EMCN: variants seen among roughly 807,000 people sequenced by gnomAD.
EMCN encodes the protein endomucin.
Under a neutral mutation model 38.4 loss-of-function variants are expected in EMCN, and 37 were observed. The observed-to-expected ratio is 0.96, with a 90% CI of 0.74 to 1.27. The LOEUF (loss-of-function observed/expected upper bound fraction) is 1.27. Among genes scored for constraint, EMCN ranks in the 50% most tolerant of loss-of-function variants. EMCN has a pLI of 0.00. For missense variants in EMCN, 318 were observed against 302.8 expected (o/e 1.05, Z -0.37); for synonymous variants, 95 against 100.8 (o/e 0.94, Z 0.35).
At chr4:100,451,458 G>A (rs1211734087) in intron 4 of EMCN, among the ~76,000 whole-genome samples, 1 of 151,790 alleles carries the variant, frequency 6.6e-6, no homozygotes, top group Non-Finnish European at 1.5e-5. Context: ...GTATAAATCA[G>A]GCATAGTGGG....
chr4:100,455,945 C>A (rs1221799578), intron 4 of EMCN, among the ~76,000 whole-genome samples: 1 of 152,048 alleles, frequency 6.6e-6, no homozygotes, highest in Non-Finnish European at 1.5e-5. Flanking sequence ...CAGGTGCCTG[C>A]CACTATGCCT....
chr4:100,409,000 A>T (rs936555296), intron 11 of EMCN, among the ~76,000 whole-genome samples: 1 of 152,116 alleles, frequency 6.6e-6, no homozygotes, highest in Non-Finnish European at 1.5e-5. Flanking sequence ...ATACTGACAC[A>T]TATGTTTGGA....
At chr4:100,501,292 A>G (rs1165715682) in intron 1 of EMCN, among the ~76,000 whole-genome samples, 3 of 152,096 alleles carry the variant, frequency 2.0e-5, no homozygotes, top group African/African-American at 7.2e-5. Context: ...AGCAGCATTT[A>G]TTGAAAAGAT....
At chr4:100,490,379 AT>A (rs1364603117) in intron 1 of EMCN, among the ~76,000 whole-genome samples, 1 of 152,144 alleles carries the variant, frequency 6.6e-6, no homozygotes, top group East Asian at 1.9e-4. Flanking sequence ...ATAGAAAAAA[AT>A]ATTTTTTATA....
Position 100,397,673 on chromosome 4 carries a change from CT to C in EMCN, c.*739del, listed in dbSNP as rs888809278. The C allele has an allele frequency of 2.0e-4, 30 of 152,102 alleles. No homozygotes were observed. Among genetic ancestry groups the C allele is most frequent in the African/African-American group, 7.0e-4 (29 of 41,412 alleles). The allele number at this position is 152,102 out of a possible 1,614,324, so 9.4% of individuals were successfully genotyped here. ...AAAGAACTGATAAATTACTCTCCCC[CT>C]AACAGTCTGATATGTGAATCGTATG... On this transcript the variant is annotated 3_prime_UTR_variant, in exon 12 of 12. Coordinates refer to ENST00000296420, the MANE Select transcript of EMCN (RefSeq NM_016242.4).
chr4:100,473,200 A>G (rs146828633), intron 3 of EMCN, among the ~76,000 whole-genome samples: 2 of 149,740 alleles, frequency 1.3e-5, no homozygotes, highest in Non-Finnish European at 1.5e-5. Context: ...TTTTTAGTAG[A>G]GACATACACA....
chr4:100,403,200 T>C (rs1263841519), intron 11 of EMCN, among the ~76,000 whole-genome samples: 1 of 152,102 alleles, frequency 6.6e-6, no homozygotes, highest in Admixed American at 6.6e-5. Context: ...TAATACCAAA[T>C]AGGTAGTGTC....
chr4:100,406,835 A>C (rs1379703774), intron 11 of EMCN, among the ~76,000 whole-genome samples: 1 of 152,078 alleles, frequency 6.6e-6, no homozygotes, highest in Non-Finnish European at 1.5e-5. Flanking sequence ...GGGGTGTTGA[A>C]ATCTACTATT....
At chr4:100,449,094 T>C (rs1727767114) in intron 4 of EMCN, among the ~76,000 whole-genome samples, 1 of 152,070 alleles carries the variant, frequency 6.6e-6, no homozygotes, top group Non-Finnish European at 1.5e-5. Context: ...AGAGAAGTGA[T>C]TCCAGTGCTT....
intron 1 of EMCN, among the ~76,000 whole-genome samples, chr4:100,488,898 AT>A (rs1372261096): frequency 1.3e-5 from 2 of 152,004 alleles, no homozygotes; most frequent in Non-Finnish European, 2.9e-5. Context: ...ATCAGAGAGA[AT>A]TTTTTTTGCC....
chr4:100,416,146 C>A (rs900834594), intron 9 of EMCN, among the ~76,000 whole-genome samples, 187 bp from the exon 10 acceptor site: 3 of 151,434 alleles, frequency 2.0e-5, no homozygotes, highest in Non-Finnish European at 2.9e-5. Flanking sequence ...ATGGCAAGAA[C>A]TTTGTCTTTT....
chr4:100,486,107 A>G (rs1728934039), intron 1 of EMCN, among the ~76,000 whole-genome samples: 1 of 152,178 alleles, frequency 6.6e-6, no homozygotes, highest in Non-Finnish European at 1.5e-5. Context: ...GTGCCATATA[A>G]AAATGGTGTT....
Position 100,435,143 on chromosome 4 carries a change from A to G in EMCN, c.416-11739T>C, listed in dbSNP as rs150747080. On this transcript the variant is annotated intron_variant, in intron 5 of 11. Transcript: ENST00000296420. ...AGAAAACTCCATTGTCTCAGTGCAAAAGCTTCTTAAGCTGATAAGCAACTT... is the reference window on the plus strand; with the variant it reads ...AGAAAACTCCATTGTCTCAGTGCAAGAGCTTCTTAAGCTGATAAGCAACTT... Among the ~76,000 whole-genome samples the G allele has an allele frequency of 4.2e-3, 643 of 152,322 alleles. 4 individuals carry two copies. Among genetic ancestry groups the G allele is most frequent in the African/African-American group, 0.015 (619 of 41,576 alleles).
At chr4:100,491,316 G>A (rs558214754) in intron 1 of EMCN, among the ~76,000 whole-genome samples, 27 of 152,176 alleles carry the variant, frequency 1.8e-4, no homozygotes, top group Admixed American at 6.5e-4. Flanking sequence ...TTGCTTTGCC[G>A]AGGAACTAGC....
At chr4:100,417,897 G>T (rs1252911709) in intron 8 of EMCN, among the ~76,000 whole-genome samples, 1 of 152,136 alleles carries the variant, frequency 6.6e-6, no homozygotes, top group Non-Finnish European at 1.5e-5. Flanking sequence ...TGCTCCTTTG[G>T]TCTGGTTTTA....
rs115293084 is a variant in EMCN at position 100,513,999 on chromosome 4, T to C, written c.64+3852A>G. ...AAATAAGTACCTTAGGAGAGTTAGA[T>C]ATACGGGCATCCAGAAGAAGGATAA... is the stretch of plus-strand genomic sequence containing the variant. On this transcript the variant is annotated intron_variant, in intron 1 of 11. Coordinates refer to ENST00000296420, the MANE Select transcript of EMCN (RefSeq NM_016242.4). Among the ~76,000 whole-genome samples, 444 of 152,236 alleles carry C rather than the reference T, an allele frequency of 2.9e-3. 3 individuals are homozygous for C. Among genetic ancestry groups the C allele is most frequent in the African/African-American group, 9.9e-3 (412 of 41,556 alleles).
chr4:100,448,795 T>TTTTCTTTCCTTCCCTC (rs58028381), intron 4 of EMCN, among the ~76,000 whole-genome samples: 1 of 114,324 alleles, frequency 8.7e-6, no homozygotes, highest in Non-Finnish European at 2.0e-5. Flanking sequence ...TGCCTTGAAG[T>TTTTCTTTCCTTCCCTC]CTTCCTTCCT....
intron 1 of EMCN, among the ~76,000 whole-genome samples, chr4:100,487,285 G>A (rs1728966645): frequency 6.6e-6 from 1 of 152,174 alleles, no homozygotes; most frequent in Non-Finnish European, 1.5e-5. Context: ...ACCTTCCAAG[G>A]AAGTAAGATG....
At chr4:100,513,498 G>T (rs1210591720) in intron 1 of EMCN, among the ~76,000 whole-genome samples, 3 of 152,104 alleles carry the variant, frequency 2.0e-5, no homozygotes, top group Non-Finnish European at 4.4e-5. Flanking sequence ...TGAGAATAAG[G>T]TAGCTCCTTG....
Sources: gnomAD v4.1 joint callset for allele counts (sites outside exome capture counted in the v4.1 genomes callset) on GRCh38, gnomAD v4.1.1 for gene constraint, MANE v1.5 for transcripts, NCBI Gene and HGNC (gene_info 2026-07-23, HGNC 2026-07-21) for gene names.